The following BLVRB variants were observed in gnomAD, a reference collection of about 807,000 sequenced individuals.
BLVRB encodes the protein flavin reductase (NADPH).
Under a neutral mutation model 21.1 loss-of-function variants are expected in BLVRB, and 25 were observed. That is an observed-to-expected ratio of 1.19 (90% CI 0.86 to 1.66). BLVRB has a LOEUF of 1.66. Ranked by LOEUF, BLVRB falls within the 40% of genes most tolerant of loss-of-function variation. The pLI is 0.00. For missense variants in BLVRB, 274 were observed against 282.7 expected (o/e 0.97, Z 0.22); for synonymous variants, 128 against 122.2 (o/e 1.05, Z -0.31).
chr19:40,450,900 TCTCC>T (rs2079736892), intron 4 of BLVRB, among the ~76,000 whole-genome samples: 1 of 150,000 alleles, frequency 6.7e-6, no homozygotes, highest in Non-Finnish European at 1.5e-5. Flanking sequence ...CTAATCTCTA[TCTCC>T]CATACTAGAA....
intron 1 of BLVRB, 29 bp downstream of exon 1, chr19:40,465,581 T>C (rs963839026): frequency 1.3e-6 from 2 of 1,598,488 alleles, no homozygotes; most frequent in African/African-American, 2.7e-5. Context: ...GTCTGTCCCG[T>C]GACATGCCCC....
intron 4 of BLVRB, among the ~76,000 whole-genome samples, chr19:40,448,608 AAT>A (rs55783717): frequency 0.078 from 9,871 of 125,776 alleles, 393 homozygotes; most frequent in South Asian, 0.15. Flanking sequence ...AACAACAACA[AAT>A]ATATATATAT....
At chr19:40,458,600 C>T (rs2079773448) in intron 1 of BLVRB, 55 bp from the exon 2 acceptor site, 1 of 1,509,720 alleles carries the variant, frequency 6.6e-7, no homozygotes, top group South Asian at 1.3e-5. Context: ...TCTTGGGCTC[C>T]AGGAGCTGGG....
intron 1 of BLVRB, 101 bp downstream of exon 1, chr19:40,465,509 G>A: frequency 7.0e-7 from 1 of 1,428,964 alleles, no homozygotes; most frequent in South Asian, 1.2e-5. Flanking sequence ...CCTGGCTGGG[G>A]CGCTCATGGC....
chr19:40,454,274 G>A (rs1046235503), intron 3 of BLVRB, among the ~76,000 whole-genome samples: 2 of 151,228 alleles, frequency 1.3e-5, no homozygotes, highest in Admixed American at 6.6e-5. Flanking sequence ...GATTACAGGC[G>A]TGTGCCACCA....
intron 3 of BLVRB, among the ~76,000 whole-genome samples, chr19:40,452,903 A>C (rs1032073622): frequency 3.0e-5 from 4 of 131,890 alleles, no homozygotes; most frequent in Non-Finnish European, 4.6e-5. Context: ...AACAAAAAAA[A>C]CACAAAAATT....
At chr19:40,459,001 C>T (rs1211123471) in intron 1 of BLVRB, among the ~76,000 whole-genome samples, 1 of 151,794 alleles carries the variant, frequency 6.6e-6, no homozygotes, top group Non-Finnish European at 1.5e-5. Flanking sequence ...GGCATACCTA[C>T]AGTTGATGCT....
chr19:40,456,612 C>T (rs1437345774), intron 3 of BLVRB, among the ~76,000 whole-genome samples: 3 of 151,958 alleles, frequency 2.0e-5, no homozygotes, highest in South Asian at 2.1e-4. Context: ...AGAGTCTGGA[C>T]GTGGTGGCTT....
At chr19:40,463,141 A>C (rs1315037553) in intron 1 of BLVRB, among the ~76,000 whole-genome samples, 1 of 152,152 alleles carries the variant, frequency 6.6e-6, no homozygotes, top group African/African-American at 2.4e-5. Flanking sequence ...CAACCCTGCA[A>C]GGTAGGTATC....
rs865805057 is a variant in BLVRB, at chr19:40,458,392, C to T, written c.233G>A (p.Arg78His). Reference sequence around the variant, plus strand: ...GGGGGGCTCAGTACTGAGGTCATTGCGGGTGCCCAGCAGCACGATGACAGC... The same window carrying T: ...GGGGGGCTCAGTACTGAGGTCATTGTGGGTGCCCAGCAGCACGATGACAGC... ...QDAVIVLLGT[R>H]NDLSPTTVMS... Residue 78 changes from arginine (R) to histidine (H), a missense_variant, in exon 2 of 5, where the codon CGC (arginine) becomes CAC (histidine). Physicochemically the swap from Arg to His is conservative, Grantham distance 29. Coordinates refer to ENST00000263368, the MANE Select transcript of BLVRB (RefSeq NM_000713.3). 1.8e-5 allele frequency: 29 copies of T among 1,586,690 alleles called. No individual in the cohort carries two copies. In the Middle Eastern group the frequency reaches 5.0e-4, roughly 27 times the overall value.
At chr19:40,462,257 T>A (rs971977514) in intron 1 of BLVRB, among the ~76,000 whole-genome samples, 8 of 151,246 alleles carry the variant, frequency 5.3e-5, no homozygotes, top group African/African-American at 1.5e-4. Context: ...AGCAGGGGCT[T>A]GCATGGGCCA....
intron 3 of BLVRB, chr19:40,457,760 C>A (rs45495392): frequency 0.022 from 4,802 of 216,502 alleles, 221 homozygotes; most frequent in Admixed American, 0.12. Context: ...GACCTAGTGT[C>A]TATCCACAGC....
intron 3 of BLVRB, among the ~76,000 whole-genome samples, chr19:40,456,455 T>A: frequency 6.8e-6 from 1 of 147,108 alleles, no homozygotes; most frequent in South Asian, 2.2e-4. Context: ...AAAAAAAAAA[T>A]CCTGGCACAC....
intron 3 of BLVRB, among the ~76,000 whole-genome samples, chr19:40,455,533 A>G (rs2079758670): frequency 1.3e-5 from 2 of 152,100 alleles, no homozygotes; most frequent in Non-Finnish European, 2.9e-5. Context: ...TATACTAAAA[A>G]TACACACACA....
intron 3 of BLVRB, among the ~76,000 whole-genome samples, chr19:40,454,460 G>A (rs750029784): frequency 6.6e-6 from 1 of 151,946 alleles, no homozygotes; most frequent in Non-Finnish European, 1.5e-5. Context: ...AGAAAACTGC[G>A]GTGCAGAGTG....
intron 4 of BLVRB, 127 bp from the exon 5 acceptor site, chr19:40,448,173 AAT>A (rs1441848122): frequency 4.1e-6 from 4 of 975,556 alleles, no homozygotes; most frequent in Non-Finnish European, 6.0e-6. Flanking sequence ...CACAGCCAAG[AAT>A]GGACTTTCCA....
intron 1 of BLVRB, among the ~76,000 whole-genome samples, chr19:40,462,135 C>T (rs578119937): frequency 6.6e-6 from 1 of 152,332 alleles, no homozygotes; most frequent in East Asian, 1.9e-4. Context: ...GATTGGACCT[C>T]AGCTTCCTCA....
intron 1 of BLVRB, among the ~76,000 whole-genome samples, chr19:40,460,473 T>TA (rs944781937): frequency 2.2e-4 from 32 of 147,710 alleles, no homozygotes; most frequent in Non-Finnish European, 6.0e-5. Context: ...GCAAAAAAAA[T>TA]AAAAAAAATC....
intron 3 of BLVRB, among the ~76,000 whole-genome samples, chr19:40,454,321 G>C (rs920375451): frequency 2.0e-5 from 3 of 151,976 alleles, no homozygotes; most frequent in African/African-American, 7.3e-5. Flanking sequence ...TAGAGACGGG[G>C]TTTCACCATG....
Sources: gnomAD v4.1 joint callset for allele counts (sites outside exome capture counted in the v4.1 genomes callset) on GRCh38, gnomAD v4.1.1 for gene constraint, MANE v1.5 for transcripts, NCBI Gene and HGNC (gene_info 2026-07-23, HGNC 2026-07-21) for gene names.